Variants in ANO10 observed in about 807,000 individuals in gnomAD.
ANO10 encodes the protein anoctamin 10, also known as anoctamin-10.
A neutral mutation model predicts 74.7 loss-of-function variants in ANO10; 77 were observed. The ratio of observed to expected loss-of-function variants is 1.03; its 90% CI spans 0.86 to 1.25. The LOEUF is 1.25. Ranked by LOEUF, ANO10 falls within the 50% of genes most tolerant of loss-of-function variation. The pLI is 0.00. For missense variants in ANO10, 721 were observed against 778.1 expected (o/e 0.93, Z 0.87); for synonymous variants, 279 against 284.9 (o/e 0.98, Z 0.21).
Position 43,605,720 on chromosome 3 carries a change from CT to C in ANO10, c.132del (p.Asp45MetfsTer12), listed in dbSNP as rs540331226. On this transcript the variant is annotated frameshift_variant, in exon 2 of 13. Coordinates refer to ENST00000292246, the MANE Select transcript of ANO10 (RefSeq NM_018075.5). LOFTEE classifies it high-confidence loss of function. ...WLKNRIIAKK[K>X]DGGAQLLFRP... is the part of the protein sequence containing the mutation. ...CAGTGACTATTTTACTCACCTCCAT[CT>C]TTTTTTTTAGCTATAATTCTGTTTT... The C allele has an allele frequency of 8.4e-5, 132 of 1,580,380 alleles. No individual in the cohort carries two copies. The highest frequency in any genetic ancestry group is 1.4e-4 in the East Asian group (6 of 43,376).
chr3:43,416,339 G>C (rs2092738587), intron 12 of ANO10, among the ~76,000 whole-genome samples: 1 of 152,152 alleles, frequency 6.6e-6, no homozygotes, highest in African/African-American at 2.4e-5. Flanking sequence ...GTTTGGGAGA[G>C]AGATCAAACG....
chr3:43,532,751 CT>C (rs2078529933), intron 11 of ANO10, among the ~76,000 whole-genome samples: 1 of 152,236 alleles, frequency 6.6e-6, no homozygotes, highest in East Asian at 1.9e-4. Flanking sequence ...TATTTTAATG[CT>C]TTTTCCCATA....
intron 9 of ANO10, 122 bp downstream of exon 9, chr3:43,561,098 G>T: frequency 8.7e-7 from 1 of 1,151,984 alleles, no homozygotes; most frequent in Non-Finnish European, 1.3e-6. Context: ...TGAGGAAACT[G>T]ACTGGAAAGC....
At chr3:43,679,818 C>G (rs571202061) in intron 1 of ANO10, among the ~76,000 whole-genome samples, 6 of 152,282 alleles carry the variant, frequency 3.9e-5, no homozygotes, top group Non-Finnish European at 8.8e-5. Flanking sequence ...CTGGTGATAC[C>G]CAGGCAAACA....
chr3:43,445,464 T>G (rs1455541050), intron 11 of ANO10, among the ~76,000 whole-genome samples: 1 of 152,170 alleles, frequency 6.6e-6, no homozygotes, highest in Admixed American at 6.5e-5. Context: ...ATTAAAAACT[T>G]TATTTTAAAA....
At chr3:43,531,946 T>C (rs999565096) in intron 11 of ANO10, among the ~76,000 whole-genome samples, 2 of 150,734 alleles carry the variant, frequency 1.3e-5, no homozygotes, top group African/African-American at 2.4e-5. Flanking sequence ...GCCAAGAGCA[T>C]TGTCACAAGC....
chr3:43,492,129 A>C (rs1377206057), intron 11 of ANO10, among the ~76,000 whole-genome samples: 1 of 152,178 alleles, frequency 6.6e-6, no homozygotes, highest in Non-Finnish European at 1.5e-5. Flanking sequence ...CCTCAGAAAT[A>C]ACACCACACA....
intron 5 of ANO10, among the ~76,000 whole-genome samples, chr3:43,579,843 G>T (rs539071506): frequency 6.6e-6 from 1 of 152,124 alleles, no homozygotes; most frequent in African/African-American, 2.4e-5. Context: ...TGATTCCACT[G>T]ATCTATGGTA....
chr3:43,669,294 T>C (rs2084027670), intron 1 of ANO10, among the ~76,000 whole-genome samples: 1 of 152,188 alleles, frequency 6.6e-6, no homozygotes, highest in Non-Finnish European at 1.5e-5. Context: ...TCCTTTTCCC[T>C]GCTGATGGAG....
At chr3:43,539,099 T>C (rs2078843945) in intron 11 of ANO10, among the ~76,000 whole-genome samples, 1 of 152,122 alleles carries the variant, frequency 6.6e-6, no homozygotes, top group African/African-American at 2.4e-5. Flanking sequence ...CCCCAATTCA[T>C]ACTCTCCACT....
chr3:43,460,769 G>C (rs1395332001), intron 11 of ANO10, among the ~76,000 whole-genome samples: 3 of 152,128 alleles, frequency 2.0e-5, no homozygotes, highest in Non-Finnish European at 4.4e-5. Flanking sequence ...ATAATTCTGA[G>C]AACAGGAGAG....
At chr3:43,445,850 C>T (rs529209295) in intron 11 of ANO10, among the ~76,000 whole-genome samples, 3 of 152,056 alleles carry the variant, frequency 2.0e-5, no homozygotes, top group Non-Finnish European at 4.4e-5. Flanking sequence ...CAGGTGTGCA[C>T]CACCATACCC....
chr3:43,484,075 G>A (rs957329580), intron 11 of ANO10, among the ~76,000 whole-genome samples: 21 of 152,022 alleles, frequency 1.4e-4, no homozygotes, highest in Non-Finnish European at 1.5e-5. Flanking sequence ...AGCTAGGGCT[G>A]CAGGCACACA....
At chr3:43,621,594 A>C (rs1291637837) in intron 1 of ANO10, among the ~76,000 whole-genome samples, 1 of 151,572 alleles carries the variant, frequency 6.6e-6, no homozygotes, top group Non-Finnish European at 1.5e-5. Flanking sequence ...CCAGCCCCAA[A>C]TTTCCGCCTC....
At chr3:43,549,669 A>G in intron 11 of ANO10, 51 bp downstream of exon 11, 1 of 1,605,092 alleles carries the variant, frequency 6.2e-7, no homozygotes, top group Non-Finnish European at 8.5e-7. Flanking sequence ...GCTTTGGAAT[A>G]GAGAAACGTA....
intron 1 of ANO10, among the ~76,000 whole-genome samples, chr3:43,632,721 A>G (rs888573727): frequency 5.3e-5 from 8 of 152,246 alleles, no homozygotes; most frequent in Non-Finnish European, 1.2e-4. Flanking sequence ...CACAGTTTCT[A>G]TAATAGACTT....
intron 1 of ANO10, among the ~76,000 whole-genome samples, chr3:43,607,439 C>A (rs914658817): frequency 6.6e-6 from 1 of 151,968 alleles, no homozygotes; most frequent in Non-Finnish European, 1.5e-5. Context: ...GGGGCCTCTG[C>A]TGAGAGGGTG....
At chr3:43,419,764 C>A (rs970739358) in intron 12 of ANO10, among the ~76,000 whole-genome samples, 16 of 152,122 alleles carry the variant, frequency 1.1e-4, no homozygotes, top group Non-Finnish European at 1.9e-4. Flanking sequence ...AATCCACCCA[C>A]CTCGGCCTCC....
At chr3:43,686,720 G>C (rs1254951615) in intron 1 of ANO10, among the ~76,000 whole-genome samples, 4 of 152,174 alleles carry the variant, frequency 2.6e-5, no homozygotes, top group Admixed American at 6.5e-5. Flanking sequence ...CCAAATTTCA[G>C]ATCCTCCACA....
Sources: gnomAD v4.1 joint callset for allele counts (sites outside exome capture counted in the v4.1 genomes callset) on GRCh38, gnomAD v4.1.1 for gene constraint, MANE v1.5 for transcripts, NCBI Gene and HGNC (gene_info 2026-07-23, HGNC 2026-07-21) for gene names.